Variants in USP45 observed in about 807,000 individuals in gnomAD.
USP45 encodes the protein ubiquitin carboxyl-terminal hydrolase 45.
USP45 carries 89 observed loss-of-function variants against 95.8 expected under a neutral mutation model. That is an observed-to-expected ratio of 0.93 (90% confidence interval 0.78 to 1.11). The LOEUF (loss-of-function observed/expected upper bound fraction) is 1.11, where lower values mean the gene tolerates loss of function less well. Ranked by LOEUF, USP45 falls within the 50% of genes least tolerant of loss-of-function variation. USP45 has a pLI of 0.00. For synonymous variants in USP45, 281 were observed against 316.2 expected (o/e 0.89, Z 1.18); for missense variants, 898 against 942.5 (o/e 0.95, Z 0.62).
At chr6:99,502,196 G>A (rs921876670) in intron 5 of USP45, among the ~76,000 whole-genome samples, 1 of 152,206 alleles carries the variant, frequency 6.6e-6, no homozygotes, top group African/African-American at 2.4e-5. Flanking sequence ...ACGAATGCAT[G>A]GGCTGGGGAG....
chr6:99,507,658 T>A (rs1798830190), intron 3 of USP45, 127 bp from the exon 4 acceptor site: 1 of 611,844 alleles, frequency 1.6e-6, no homozygotes, highest in Admixed American at 3.1e-5. Flanking sequence ...AGGAGAAAGT[T>A]TCAAAAAAGT....
chr6:99,459,249 T>C (rs1323050263), intron 13 of USP45, among the ~76,000 whole-genome samples: 1 of 152,166 alleles, frequency 6.6e-6, no homozygotes, highest in Non-Finnish European at 1.5e-5. Flanking sequence ...TGGTTTTCTG[T>C]TCCTGTGTGA....
intron 10 of USP45, 130 bp downstream of exon 10, chr6:99,468,407 G>A (rs1051846248): frequency 3.1e-6 from 2 of 639,918 alleles, no homozygotes; most frequent in Non-Finnish European, 5.4e-6. Context: ...AGACACTGCA[G>A]CAACTACGTC....
At chr6:99,488,126 A>T (rs1794395984) in intron 7 of USP45, 74 bp downstream of exon 7, 2 of 983,518 alleles carry the variant, frequency 2.0e-6, no homozygotes, top group Non-Finnish European at 3.2e-6. Flanking sequence ...CTGATCTGCG[A>T]ATTAGGAAAA....
chr6:99,496,423 G>C (rs1583388003), intron 5 of USP45, among the ~76,000 whole-genome samples: 1 of 151,474 alleles, frequency 6.6e-6, no homozygotes, highest in Non-Finnish European at 1.5e-5. Flanking sequence ...AAAAGATACA[G>C]CAAACTCATA....
chr6:99,436,470 C>G, intron 17 of USP45, among the ~76,000 whole-genome samples: 1 of 151,996 alleles, frequency 6.6e-6, no homozygotes, highest in East Asian at 1.9e-4. Flanking sequence ...GCAGGAGAAT[C>G]GCTTGAACCC....
intron 15 of USP45, 60 bp downstream of exon 15, chr6:99,443,505 T>C: frequency 8.5e-7 from 1 of 1,177,524 alleles, no homozygotes; most frequent in East Asian, 2.4e-5. Context: ...CAATATTCTA[T>C]AGGACTTAAT....
At position 99,435,755 on chromosome 6, in the gene USP45, A is replaced by G. The variant is rs753233399; in HGVS notation, c.2406T>C (p.Ser802=). 6 of 1,613,686 alleles carry G rather than the reference A, an allele frequency of 3.7e-6. No individual in the cohort carries two copies. In the Admixed American group the frequency reaches 8.3e-5, roughly 22 times the overall value. Residue 802 remains serine, a synonymous_variant, in exon 18 of 18, where the codon AGT becomes AGC. Transcript: ENST00000500704. ...LQVVPESRAL[S]AQAYLLFYER... is the part of the protein sequence containing the mutation. ...CATAGAAAAGAAGGTAGGCTTGTGC[A>G]CTAAGTGCTCTTGATTCTGGAACCA... is the stretch of plus-strand genomic sequence containing the variant.
At chr6:99,515,879 A>T (rs1450326908), upstream of USP45, among the ~76,000 whole-genome samples, 1 of 141,092 alleles carries the variant, frequency 7.1e-6, no homozygotes, top group Non-Finnish European at 1.5e-5. Flanking sequence ...GGTTCACGCC[A>T]TTCTACTGCC....
intron 11 of USP45, among the ~76,000 whole-genome samples, chr6:99,465,915 A>T (rs1787840918): frequency 6.6e-6 from 1 of 152,206 alleles, no homozygotes; most frequent in Admixed American, 6.5e-5. Context: ...GTTCAAAGTG[A>T]GTGAAGTCTA....
chr6:99,475,916 C>G (rs974625774), intron 9 of USP45, among the ~76,000 whole-genome samples: 1 of 152,116 alleles, frequency 6.6e-6, no homozygotes. Flanking sequence ...CCTCTGCTTC[C>G]TGGGTTCAAG....
In USP45 at chr6:99,462,297, A is replaced by G. The variant is rs568988649; in HGVS notation, c.1308+2307T>C. On this transcript the variant is annotated intron_variant, in intron 13 of 17. Transcript: ENST00000500704. ...CAGATCTTTGAGGTACAGTTTCTAT[A>G]TATCATATATGCATATTCTCAGTTC... is the stretch of plus-strand genomic sequence containing the variant. The G allele has an allele frequency of 8.4e-4, 825 of 985,168 alleles. 2 individuals carry two copies. The highest frequency in any genetic ancestry group is 5.2e-3 in the Middle Eastern group (10 of 1,914). 61.0% of individuals were successfully genotyped at this position (985,168 alleles called of 1,614,324 possible).
intron 4 of USP45, among the ~76,000 whole-genome samples, chr6:99,505,861 A>G (rs1284275945): frequency 1.3e-5 from 2 of 152,188 alleles, no homozygotes; most frequent in African/African-American, 2.4e-5. Context: ...GCAATCTGTC[A>G]TAACAAGATC....
chr6:99,450,757 C>T (rs1783676004), intron 13 of USP45, among the ~76,000 whole-genome samples: 4 of 152,174 alleles, frequency 2.6e-5, no homozygotes, highest in African/African-American at 7.2e-5. Flanking sequence ...ACCAATATCC[C>T]TGATGAACAT....
chr6:99,461,943 T>C (rs1178158604), intron 13 of USP45: 2 of 985,394 alleles, frequency 2.0e-6, no homozygotes, highest in Non-Finnish European at 2.4e-6. Context: ...ATGATTAAAC[T>C]GGTTCTGTAG....
At chr6:99,514,256 A>C (rs1800609122) in intron 1 of USP45, among the ~76,000 whole-genome samples, 1 of 152,178 alleles carries the variant, frequency 6.6e-6, no homozygotes, top group Non-Finnish European at 1.5e-5. Context: ...TCTCCCTCCC[A>C]AGAGGGGTCA....
intron 11 of USP45, among the ~76,000 whole-genome samples, chr6:99,465,835 T>C (rs574873031): frequency 4.2e-4 from 64 of 152,142 alleles, no homozygotes; most frequent in African/African-American, 1.5e-3. Flanking sequence ...TGCCAAGCAA[T>C]TGAAAATCTA....
intron 9 of USP45, among the ~76,000 whole-genome samples, chr6:99,472,219 TA>T (rs1789583983): frequency 2.7e-5 from 1 of 36,610 alleles, no homozygotes; most frequent in Non-Finnish European, 5.4e-5. Flanking sequence ...CTTCACTTAC[TA>T]ATTTTTTTTT....
At chr6:99,435,870 A>C in intron 17 of USP45, 24 bp from the exon 18 acceptor site, 1 of 1,598,120 alleles carries the variant, frequency 6.3e-7, no homozygotes, top group Non-Finnish European at 8.5e-7. Flanking sequence ...AAGAAGTACA[A>C]TTTTAAAGTA....
Sources: gnomAD v4.1 joint callset for allele counts (sites outside exome capture counted in the v4.1 genomes callset) on GRCh38, gnomAD v4.1.1 for gene constraint, MANE v1.5 for transcripts, NCBI Gene and HGNC (gene_info 2026-07-23, HGNC 2026-07-21) for gene names.